TRHDE: variants seen among roughly 807,000 people sequenced by gnomAD.
TRHDE encodes the protein thyrotropin releasing hormone degrading enzyme, also known as thyrotropin-releasing hormone-degrading ectoenzyme.
A neutral mutation model predicts 125.7 loss-of-function variants in TRHDE; 72 were observed. That is an observed-to-expected ratio of 0.57 (90% CI 0.47 to 0.70). The LOEUF (loss-of-function observed/expected upper bound fraction) is 0.70, where lower values mean the gene tolerates loss of function less well. Among genes scored for constraint, TRHDE ranks in the 30% least tolerant of loss-of-function variants. The pLI is 0.00. For missense variants in TRHDE, 1,110 were observed against 1,327.1 expected (o/e 0.84, Z 2.54); for synonymous variants, 509 against 509.1 (o/e 1.00, Z 0.00).
intron 2 of TRHDE, among the ~76,000 whole-genome samples, chr12:72,309,537 G>A (rs928790507): frequency 2.0e-5 from 3 of 152,002 alleles, no homozygotes; most frequent in Non-Finnish European, 4.4e-5. Flanking sequence ...AGATGAGATG[G>A]TCCAATATGA....
chr12:72,554,092 T>C lies in TRHDE; in HGVS notation c.1789-8073T>C, dbSNP rs548426258. 2.2e-3 allele frequency among the ~76,000 whole-genome samples: 336 copies of C among 152,022 alleles called. 2 individuals are homozygous for C. Among genetic ancestry groups the C allele is most frequent in the African/African-American group, 7.6e-3 (314 of 41,482 alleles). On this transcript the variant is annotated intron_variant, in intron 7 of 18. Coordinates refer to ENST00000261180, the MANE Select transcript of TRHDE (RefSeq NM_013381.3). The stretch of plus-strand genomic sequence containing the variant: ...CGAACTCCTGACCTCAGGTGATTCA[T>C]GCGCTTCGGCCTCCCAAAGTGCCAG...
At chr12:72,272,316 C>T (rs143892905), upstream of TRHDE, 11,660 of 360,894 alleles carry the variant, frequency 0.032, 275 homozygotes, top group Middle Eastern at 0.065. This position sits in a 1 kb window ranked among gnomAD's most constrained non-coding sequence, Gnocchi z 6.7. Context: ...GAGCCGGGAG[C>T]CGCAGGCGCG....
chr12:72,414,099 GT>G (rs1284700470), intron 3 of TRHDE, among the ~76,000 whole-genome samples: 2 of 152,038 alleles, frequency 1.3e-5, no homozygotes, highest in African/African-American at 2.4e-5. Context: ...TACTATTTGT[GT>G]TTTATTTTAC....
upstream of TRHDE, among the ~76,000 whole-genome samples, chr12:72,271,589 G>A (rs1287325024): frequency 6.6e-6 from 1 of 152,056 alleles, no homozygotes; most frequent in Non-Finnish European, 1.5e-5. Flanking sequence ...TGCCTCTGCC[G>A]CTCAGTCGCT....
intron 1 of TRHDE, among the ~76,000 whole-genome samples, chr12:72,096,865 C>G (rs565502931): frequency 1.3e-5 from 2 of 152,326 alleles, no homozygotes; most frequent in African/African-American, 4.8e-5. Context: ...TTGTTGCTTT[C>G]AGGCTAGGTT....
intron 3 of TRHDE, among the ~76,000 whole-genome samples, chr12:72,384,619 A>G (rs1187598158): frequency 6.6e-6 from 1 of 152,154 alleles, no homozygotes; most frequent in Non-Finnish European, 1.5e-5. Flanking sequence ...TGAGAATTGT[A>G]TAGTAGGAAA....
intron 2 of TRHDE, among the ~76,000 whole-genome samples, chr12:72,148,493 A>T (rs1229827950): frequency 6.6e-6 from 1 of 152,224 alleles, no homozygotes; most frequent in Admixed American, 6.5e-5. Flanking sequence ...ACTAATTGGC[A>T]ACACTTGATG....
chr12:72,618,606 A>G (rs1277793622), intron 12 of TRHDE, among the ~76,000 whole-genome samples: 1 of 152,120 alleles, frequency 6.6e-6, no homozygotes, highest in Non-Finnish European at 1.5e-5. Context: ...GAAGGAACAT[A>G]CCTAGGCTCG....
chr12:72,430,444 C>CATATATATAT (rs1565738386), intron 3 of TRHDE, among the ~76,000 whole-genome samples: 2 of 146,976 alleles, frequency 1.4e-5, no homozygotes, highest in African/African-American at 5.0e-5. Context: ...TATACACACA[C>CATATATATAT]GTATATATAT....
intron 9 of TRHDE, among the ~76,000 whole-genome samples, chr12:72,568,229 T>C (rs921842048): frequency 1.3e-5 from 2 of 152,082 alleles, no homozygotes; most frequent in Non-Finnish European, 2.9e-5. Context: ...AGAAAGAAGT[T>C]ATGTTTAGAC....
chr12:72,226,367 G>A (rs1878128165), intron 2 of TRHDE, among the ~76,000 whole-genome samples: 1 of 152,180 alleles, frequency 6.6e-6, no homozygotes, highest in Admixed American at 6.5e-5. Context: ...TTTCTAAAGG[G>A]ATTAGTGGTA....
At chr12:72,153,555 A>G (rs1295874256) in intron 2 of TRHDE, among the ~76,000 whole-genome samples, 1 of 152,166 alleles carries the variant, frequency 6.6e-6, no homozygotes, top group Admixed American at 6.5e-5. Flanking sequence ...TTCCCTCTAC[A>G]CACTGCTTTG....
chr12:72,436,121 A>G lies in TRHDE; in HGVS notation c.1316-33637A>G, dbSNP rs565999770. On this transcript the variant is annotated intron_variant, in intron 3 of 18. Coordinates refer to ENST00000261180, the MANE Select transcript of TRHDE (RefSeq NM_013381.3). The stretch of plus-strand genomic sequence containing the variant: ...TTTATTTAAAGAGCATCTCTGTTCA[A>G]TGATAATTGATGGTGCTTTAAGTGA... Among the ~76,000 whole-genome samples the G allele has an allele frequency of 3.9e-5, 6 of 152,146 alleles. No homozygotes were observed. The South Asian group carries it at 1.2e-3, about 32-fold the overall frequency.
intron 6 of TRHDE, among the ~76,000 whole-genome samples, chr12:72,516,318 A>G (rs1878857297): frequency 6.6e-6 from 1 of 151,908 alleles, no homozygotes; most frequent in African/African-American, 2.4e-5. Context: ...CTTTTATTTC[A>G]TTGAGCAGTG....
At chr12:72,568,064 CT>C (rs562387734) in intron 9 of TRHDE, among the ~76,000 whole-genome samples, 17 of 151,432 alleles carry the variant, frequency 1.1e-4, no homozygotes, top group Non-Finnish European at 2.1e-4. Context: ...GTTTTTTTTT[CT>C]TTCTGCTGAG....
At chr12:72,216,532 A>G (rs1018636065) in intron 2 of TRHDE, among the ~76,000 whole-genome samples, 2 of 152,188 alleles carry the variant, frequency 1.3e-5, no homozygotes, top group African/African-American at 4.8e-5. Flanking sequence ...TGCAAGGTTC[A>G]TGGCATTCAG....
At chr12:72,543,765 ATATTATTTGGAAAGGAT>A (rs1479272081) in intron 7 of TRHDE, among the ~76,000 whole-genome samples, 15 of 148,670 alleles carry the variant, frequency 1.0e-4, no homozygotes, top group South Asian at 2.1e-4. Context: ...AACTACAGTT[ATATTATTTGGAAAGGAT>A]TATTATTTGG....
chr12:72,573,478 C>A (rs992699437), intron 10 of TRHDE, among the ~76,000 whole-genome samples: 1 of 151,664 alleles, frequency 6.6e-6, no homozygotes, highest in African/African-American at 2.4e-5. Context: ...AAAAATAGTA[C>A]ATATAAATGT....
chr12:72,603,802 C>T (rs1233107261), intron 12 of TRHDE, among the ~76,000 whole-genome samples: 2 of 152,018 alleles, frequency 1.3e-5, no homozygotes, highest in African/African-American at 4.8e-5. Flanking sequence ...GAAGTGCACC[C>T]TGTGTTTTAG....
Sources: allele counts gnomAD v4.1 joint callset (sites outside exome capture counted in the v4.1 genomes callset), GRCh38; gene constraint gnomAD v4.1.1; non-coding constraint Gnocchi (gnomAD v3.1); transcripts MANE v1.5; gene names NCBI Gene and HGNC (gene_info 2026-07-23, HGNC 2026-07-21).